ASIC2: variants seen among roughly 807,000 people sequenced by gnomAD.
The protein encoded by ASIC2 is acid sensing ion channel subunit 2.
A neutral mutation model predicts 57.3 loss-of-function variants in ASIC2; 25 were observed. The observed-to-expected ratio is 0.44, with a 90% CI of 0.32 to 0.61. The LOEUF is 0.61. Among genes scored for constraint, ASIC2 ranks in the 20% least tolerant of loss-of-function variants. ASIC2 has a pLI of 0.06. For synonymous variants in ASIC2, 319 were observed against 307.5 expected (o/e 1.04, Z -0.39); for missense variants, 641 against 738.1 (o/e 0.87, Z 1.52).
intron 1 of ASIC2, among the ~76,000 whole-genome samples, chr17:33,781,440 G>A (rs907511218): frequency 6.6e-6 from 1 of 152,222 alleles, no homozygotes; most frequent in African/African-American, 2.4e-5. Flanking sequence ...GCAGGATGAT[G>A]GAGTGGGTGG....
At chr17:33,133,184 A>C (rs2092354133) in intron 1 of ASIC2, among the ~76,000 whole-genome samples, 1 of 152,190 alleles carries the variant, frequency 6.6e-6, no homozygotes, top group Non-Finnish European at 1.5e-5. Context: ...ATTTTCAGTG[A>C]GGTTTGATGG....
At chr17:33,329,552 C>T (rs915078775) in intron 1 of ASIC2, among the ~76,000 whole-genome samples, 1 of 152,216 alleles carries the variant, frequency 6.6e-6, no homozygotes, top group African/African-American at 2.4e-5. Flanking sequence ...GGTCATCACA[C>T]AGCCAAGATA....
rs552521020 is a variant in ASIC2 at position 33,709,500 on chromosome 17, A to C, written c.555+446478T>G. 3.3e-5 allele frequency among the ~76,000 whole-genome samples: 5 copies of C among 152,372 alleles called. No individual in the cohort carries two copies. The East Asian group carries it at 9.6e-4, about 29-fold the overall frequency. On this transcript the variant is annotated intron_variant, in intron 1 of 9. Coordinates refer to the ASIC2 transcript ENST00000359872. ...GCCACATGAGATTACAGTGAAAGTC[A>C]GCAGACTGCAACCCAGAACAGGGCC...
intron 1 of ASIC2, among the ~76,000 whole-genome samples, chr17:33,905,141 C>CTTT (rs57064859): frequency 3.0e-4 from 26 of 87,840 alleles, no homozygotes; most frequent in East Asian, 4.0e-4. Flanking sequence ...TAGTTTAAGG[C>CTTT]TTTTTTTTTT....
At chr17:33,854,438 A>G (rs947448448) in intron 1 of ASIC2, among the ~76,000 whole-genome samples, 1 of 152,238 alleles carries the variant, frequency 6.6e-6, no homozygotes, top group African/African-American at 2.4e-5. Flanking sequence ...CATACTGTGC[A>G]GCAATGTTTC....
At chr17:33,242,769 T>G (rs985784184) in intron 1 of ASIC2, among the ~76,000 whole-genome samples, 1 of 152,190 alleles carries the variant, frequency 6.6e-6, no homozygotes, top group African/African-American at 2.4e-5. Flanking sequence ...CTCCTTACAC[T>G]TCACCTATTT....
Position 33,016,221 on chromosome 17 carries a change from C to T in ASIC2, c.1522-182G>A, listed in dbSNP as rs543452925. ...TGTCTGTCTCAACCCAGCCTTTTGG[C>T]TGAAATGGGATTTTGTTGCAGGAGA... On this transcript the variant is annotated intron_variant, in intron 8 of 9. Coordinates refer to ENST00000225823, the MANE Select transcript of ASIC2 (RefSeq NM_183377.2). Among the ~76,000 whole-genome samples, 24 of 152,296 alleles carry T rather than the reference C, an allele frequency of 1.6e-4. No homozygotes were observed. The East Asian group carries it at 4.6e-3, about 29-fold the overall frequency.
chr17:33,406,280 G>A (rs1910470663), intron 1 of ASIC2, among the ~76,000 whole-genome samples: 2 of 152,194 alleles, frequency 1.3e-5, no homozygotes, highest in Non-Finnish European at 2.9e-5. Flanking sequence ...TCAGCCCACA[G>A]ACTTGATATG....
At chr17:34,099,750 G>A (rs74420093) in intron 1 of ASIC2, among the ~76,000 whole-genome samples, 1 of 6,110 alleles carries the variant, frequency 1.6e-4, no homozygotes. Context: ...AAGAAAGAAA[G>A]AAAGAAAGAA....
chr17:33,822,493 T>C (rs1023931447), intron 1 of ASIC2, among the ~76,000 whole-genome samples: 8 of 152,224 alleles, frequency 5.3e-5, no homozygotes, highest in African/African-American at 1.7e-4. Flanking sequence ...TAATAGATCA[T>C]TGAAGCAAAT....
At chr17:33,675,593 A>G (rs1426970567) in intron 1 of ASIC2, among the ~76,000 whole-genome samples, 1 of 152,024 alleles carries the variant, frequency 6.6e-6, no homozygotes, top group Non-Finnish European at 1.5e-5. Context: ...AAAAAAATTG[A>G]TACAGGGTCT....
chr17:33,717,599 C>T (rs1909262222), intron 1 of ASIC2, among the ~76,000 whole-genome samples: 1 of 152,162 alleles, frequency 6.6e-6, no homozygotes, highest in South Asian at 2.1e-4. Flanking sequence ...CCTGGGGCTG[C>T]CATGACGCCT....
At chr17:34,123,076 A>C (rs2142120851) in intron 1 of ASIC2, among the ~76,000 whole-genome samples, 1 of 152,306 alleles carries the variant, frequency 6.6e-6, no homozygotes, top group East Asian at 1.9e-4. Context: ...CTAGGGTTCC[A>C]ATTGCTCCAA....
chr17:34,010,994 TCAGA>T (rs1906701622), intron 1 of ASIC2, among the ~76,000 whole-genome samples: 1 of 1,650 alleles, frequency 6.1e-4, no homozygotes, highest in Non-Finnish European at 1.3e-3. Context: ...ATACCTCTAG[TCAGA>T]CACACACACA....
At chr17:33,137,752 G>GAGT (rs2092371915) in intron 1 of ASIC2, among the ~76,000 whole-genome samples, 1 of 152,206 alleles carries the variant, frequency 6.6e-6, no homozygotes, top group East Asian at 1.9e-4. Context: ...AGCAGGAATA[G>GAGT]AGTACATGGA....
At chr17:33,600,604 T>C (rs912188724) in intron 1 of ASIC2, among the ~76,000 whole-genome samples, 1 of 152,246 alleles carries the variant, frequency 6.6e-6, no homozygotes, top group Non-Finnish European at 1.5e-5. Context: ...TTAACCCATT[T>C]ATGCCTGAGG....
At chr17:33,816,026 C>T (rs1912569363) in intron 1 of ASIC2, among the ~76,000 whole-genome samples, 1 of 152,032 alleles carries the variant, frequency 6.6e-6, no homozygotes, top group African/African-American at 2.4e-5. Flanking sequence ...TACATAGGGA[C>T]ACTTTGTTAT....
At chr17:33,550,221 T>A (rs1915708413) in intron 1 of ASIC2, among the ~76,000 whole-genome samples, 1 of 152,164 alleles carries the variant, frequency 6.6e-6, no homozygotes, top group Admixed American at 6.5e-5. Context: ...TAGAAATAGT[T>A]TATGGAGGAG....
chr17:33,777,606 G>T (rs1911324428), intron 1 of ASIC2, among the ~76,000 whole-genome samples: 1 of 152,152 alleles, frequency 6.6e-6, no homozygotes, highest in African/African-American at 2.4e-5. Context: ...AGTGCACAGA[G>T]AGGTTTGACA....
Sources: gnomAD v4.1 joint callset for allele counts (sites outside exome capture counted in the v4.1 genomes callset) on GRCh38, gnomAD v4.1.1 for gene constraint, MANE v1.5 for transcripts, NCBI Gene and HGNC (gene_info 2026-07-23, HGNC 2026-07-21) for gene names.